Variants in SLC16A10 observed in about 807,000 individuals in gnomAD.
SLC16A10 encodes the protein solute carrier family 16 member 10, also known as monocarboxylate transporter 10.
SLC16A10 carries 27 observed loss-of-function variants against 40.0 expected under a neutral mutation model. The ratio of observed to expected loss-of-function variants is 0.67; its 90% CI spans 0.50 to 0.93. SLC16A10 has a LOEUF of 0.93. Among genes scored for constraint, SLC16A10 ranks in the 40% least tolerant of loss-of-function variants. SLC16A10 has a pLI of 0.00. For synonymous variants in SLC16A10, 213 were observed against 249.8 expected (o/e 0.85, Z 1.39); for missense variants, 529 against 658.2 (o/e 0.80, Z 2.15).
At chr6:111,098,145 A>G (rs916597794) in intron 1 of SLC16A10, among the ~76,000 whole-genome samples, 3 of 152,278 alleles carry the variant, frequency 2.0e-5, no homozygotes, top group East Asian at 3.9e-4. Context: ...TGTCTCTACT[A>G]AAAATACTAA....
chr6:111,177,211 G>C lies in SLC16A10; in HGVS notation c.489-1G>C. 2 of 1,507,186 alleles carry C rather than the reference G, an allele frequency of 1.3e-6. No homozygotes were observed. Among genetic ancestry groups the C allele is most frequent in the Non-Finnish European group, 1.8e-6 (2 of 1,128,182 alleles). The allele number at this position is 1,507,186 out of a possible 1,614,324, so 93.4% of individuals were successfully genotyped here. A position where few individuals can be genotyped will look rare whatever the true frequency, so the allele number is the denominator to read the frequency against. On this transcript the variant is annotated splice_acceptor_variant, in intron 2 of 5. Transcript: ENST00000368851. LOFTEE classifies it high-confidence loss of function. ...TTTCCATCTTTTTCATCTTTATACA[G>C]TTCCATCGAGCCTCTGTACCTTACC...
intron 3 of SLC16A10, among the ~76,000 whole-genome samples, chr6:111,185,302 C>T (rs1772875652): frequency 6.6e-6 from 1 of 152,158 alleles, no homozygotes; most frequent in Non-Finnish European, 1.5e-5. Flanking sequence ...TCCTTCATTG[C>T]TAATCCAGAG....
At chr6:111,180,295 CCA>C (rs1772765395) in intron 3 of SLC16A10, among the ~76,000 whole-genome samples, 1 of 152,182 alleles carries the variant, frequency 6.6e-6, no homozygotes, top group Non-Finnish European at 1.5e-5. Context: ...TATAATCTCA[CCA>C]CTTTGGGAGA....
intron 1 of SLC16A10, among the ~76,000 whole-genome samples, chr6:111,141,481 G>A (rs1183831366): frequency 6.6e-6 from 1 of 152,074 alleles, no homozygotes; most frequent in African/African-American, 2.4e-5. Context: ...TGACCAACAT[G>A]GAAAAACCCC....
rs1583372522 is a variant in SLC16A10, at chr6:111,223,748, T to C, written c.*1513T>C. 1 of 152,232 alleles carries C rather than the reference T, an allele frequency of 6.6e-6. No individual in the cohort carries two copies. Among genetic ancestry groups the C allele is most frequent in the East Asian group, 1.9e-4 (1 of 5,202 alleles). 9.4% of individuals were successfully genotyped at this position (152,232 alleles called of 1,614,324 possible). A position where few individuals can be genotyped will look rare whatever the true frequency, so the allele number is the denominator to read the frequency against. ...AGTTATATAAAACGTTACTTTCTCA[T>C]TTTTGAGAAGTTCAACAAAACATAC... On this transcript the variant is annotated 3_prime_UTR_variant, in exon 6 of 6. Coordinates refer to ENST00000368851, the MANE Select transcript of SLC16A10 (RefSeq NM_018593.5).
intron 3 of SLC16A10, among the ~76,000 whole-genome samples, chr6:111,199,725 T>A (rs1773137378): frequency 6.6e-6 from 1 of 152,070 alleles, no homozygotes; most frequent in Non-Finnish European, 1.5e-5. Flanking sequence ...TGGTTTTGGT[T>A]GGTAATTCCT....
rs192433342 is a variant in SLC16A10 at position 111,139,784 on chromosome 6, G to A, written c.344-32911G>A. 8.5e-3 allele frequency among the ~76,000 whole-genome samples: 1,297 copies of A among 152,290 alleles called. 10 individuals are homozygous for A. Among genetic ancestry groups the A allele is most frequent in the South Asian group, 0.021 (103 of 4,824 alleles). On this transcript the variant is annotated intron_variant, in intron 1 of 5. Transcript: ENST00000368851. ...CTGCTTTATATTCCTCTGGGTATAT[G>A]CTCAGTAATAGGATTGCTGGATTGA...
chr6:111,213,489 C>T (rs1199427079), intron 4 of SLC16A10, among the ~76,000 whole-genome samples: 1 of 152,220 alleles, frequency 6.6e-6, no homozygotes, highest in East Asian at 1.9e-4. Context: ...ATCAGTGTTG[C>T]TCCATTTTCC....
intron 1 of SLC16A10, among the ~76,000 whole-genome samples, chr6:111,141,636 T>C (rs537254385): frequency 2.0e-5 from 3 of 152,328 alleles, no homozygotes; most frequent in Non-Finnish European, 4.4e-5. Flanking sequence ...CACTCCAGTT[T>C]GGGCAACAAG....
At chr6:111,202,746 G>A (rs1258026108) in intron 3 of SLC16A10, among the ~76,000 whole-genome samples, 1 of 151,876 alleles carries the variant, frequency 6.6e-6, no homozygotes, top group Non-Finnish European at 1.5e-5. Flanking sequence ...AATAAGCCGG[G>A]CGTGGTGGCG....
chr6:111,151,558 C>T (rs983957531), intron 1 of SLC16A10, among the ~76,000 whole-genome samples: 1 of 152,220 alleles, frequency 6.6e-6, no homozygotes, highest in African/African-American at 2.4e-5. Context: ...CCAATCTCCC[C>T]TATGAGCATT....
chr6:111,179,471 C>CA (rs1772750364), intron 3 of SLC16A10, among the ~76,000 whole-genome samples: 1 of 152,206 alleles, frequency 6.6e-6, no homozygotes. Context: ...GTAGCAAAAT[C>CA]AGTCTACAGT....
intron 1 of SLC16A10, among the ~76,000 whole-genome samples, chr6:111,092,508 G>T (rs555216603): frequency 6.6e-6 from 1 of 150,674 alleles, no homozygotes; most frequent in Admixed American, 6.6e-5. Context: ...TAGAGACAGG[G>T]TTTCACCATA....
intron 1 of SLC16A10, among the ~76,000 whole-genome samples, chr6:111,118,742 A>G (rs896748091): frequency 6.6e-6 from 1 of 151,716 alleles, no homozygotes; most frequent in African/African-American, 2.4e-5. Flanking sequence ...ATGGACCACT[A>G]TTGAAGGAAG....
At chr6:111,214,707 A>G (rs1043962555) in intron 4 of SLC16A10, among the ~76,000 whole-genome samples, 2 of 152,272 alleles carry the variant, frequency 1.3e-5, no homozygotes, top group Admixed American at 1.3e-4. Context: ...TTAAAGGAAA[A>G]TGAAAAAATT....
Position 111,088,112 on chromosome 6 carries a change from G to C in SLC16A10, c.343+17G>C. The C allele has an allele frequency of 1.1e-5, 18 of 1,588,540 alleles. No individual in the cohort carries two copies. Among genetic ancestry groups the C allele is most frequent in the Non-Finnish European group, 1.5e-5 (18 of 1,169,350 alleles). ...TTAAGACAGGTGAGGCGCGGCGCCC[G>C]CCGAGGCCAGCCTGGGCGACCCGCG... On this transcript the variant is annotated intron_variant, in intron 1 of 5. Transcript: ENST00000368851.
At chr6:111,095,832 A>G (rs890970459) in intron 1 of SLC16A10, among the ~76,000 whole-genome samples, 5 of 152,202 alleles carry the variant, frequency 3.3e-5, no homozygotes, top group East Asian at 1.9e-4. Context: ...AGGCCTCCCT[A>G]GCCATGTGGA....
intron 1 of SLC16A10, among the ~76,000 whole-genome samples, chr6:111,153,282 C>T (rs973054696): frequency 1.8e-4 from 28 of 152,120 alleles, no homozygotes; most frequent in Admixed American, 1.5e-3. Context: ...TGCCTGTAAT[C>T]GCAGCACTTT....
chr6:111,157,702 A>G (rs1772296149), intron 1 of SLC16A10, among the ~76,000 whole-genome samples: 1 of 152,218 alleles, frequency 6.6e-6, no homozygotes. Context: ...AGGCAGATCT[A>G]TGCCACAGAG....
Sources: allele counts gnomAD v4.1 joint callset (sites outside exome capture counted in the v4.1 genomes callset), GRCh38; gene constraint gnomAD v4.1.1; transcripts MANE v1.5; gene names NCBI Gene and HGNC (gene_info 2026-07-23, HGNC 2026-07-21).